DIP2A: variants seen among roughly 807,000 people sequenced by gnomAD.
The protein encoded by DIP2A is disco-interacting protein 2 homolog A.
DIP2A carries 85 observed loss-of-function variants against 177.4 expected under a neutral mutation model. The ratio of observed to expected loss-of-function variants is 0.48; its 90% CI spans 0.40 to 0.57. The LOEUF (loss-of-function observed/expected upper bound fraction) is 0.57, where lower values mean the gene tolerates loss of function less well. Ranked by LOEUF, DIP2A falls within the 20% of genes least tolerant of loss-of-function variation. The pLI, the probability that DIP2A is intolerant of heterozygous loss-of-function variation, is 0.00. For synonymous variants in DIP2A, 886 were observed against 881.8 expected (o/e 1.00, Z -0.08); for missense variants, 1,791 against 2,100.2 (o/e 0.85, Z 2.88).
Position 46,569,121 on chromosome 21 carries a change from G to T in DIP2A, c.*1499G>T, listed in dbSNP as rs1375244353. ...GAAGAGTATGTTACGAAATTGTTGGGTTTTTGGGGTATTGAGGGTGGCAAA... is the reference window on the plus strand; with the variant it reads ...GAAGAGTATGTTACGAAATTGTTGGTTTTTTGGGGTATTGAGGGTGGCAAA... On this transcript the variant is annotated 3_prime_UTR_variant, in exon 38 of 38. Transcript: ENST00000417564. 2 of 152,126 alleles carry T rather than the reference G, an allele frequency of 1.3e-5. No individual in the cohort carries two copies. The highest frequency in any genetic ancestry group is 4.8e-5 in the African/African-American group (2 of 41,426). 9.4% of individuals were successfully genotyped at this position (152,126 alleles called of 1,614,324 possible).
chr21:46,464,844 T>TTTTTTCC (rs58546395), intron 1 of DIP2A, among the ~76,000 whole-genome samples: 2,386 of 111,022 alleles, frequency 0.021, 158 homozygotes, highest in Non-Finnish European at 0.033. Context: ...TTTTTTTTTT[T>TTTTTTCC]CAAGAAAACA....
intron 8 of DIP2A, among the ~76,000 whole-genome samples, chr21:46,523,696 A>G (rs534353218): frequency 1.3e-5 from 2 of 152,356 alleles, no homozygotes; most frequent in South Asian, 2.1e-4. Context: ...GAAGAAGTCT[A>G]GAGCATCCAA....
rs1670749375 is a variant in DIP2A, at chr21:46,556,763, G to A, written c.3499-176G>A. 1.8e-6 allele frequency: 1 copy of A among 559,712 alleles called. No individual in the cohort carries two copies. Among genetic ancestry groups the A allele is most frequent in the African/African-American group, 1.9e-5 (1 of 52,858 alleles). The allele number at this position is 559,712 out of a possible 1,614,324, so 34.7% of individuals were successfully genotyped here. ...AAAGATTTTTAGTGTACCATTTCTT[G>A]GGTATTATTTAGGTTATATGGGGAT... On this transcript the variant is annotated intron_variant, in intron 29 of 37. Transcript: ENST00000417564. The surrounding 1 kb of genome is among the most constrained non-coding windows in gnomAD (Gnocchi z 4.5).
chr21:46,466,342 CTTTTTTTTT>C (rs71187318), intron 1 of DIP2A, among the ~76,000 whole-genome samples: 1 of 89,568 alleles, frequency 1.1e-5, no homozygotes, highest in Non-Finnish European at 2.1e-5. Context: ...TACATTATAA[CTTTTTTTTT>C]TTTTTTTTTT....
chr21:46,521,902 T>G (rs2058840183), intron 8 of DIP2A, among the ~76,000 whole-genome samples: 1 of 152,146 alleles, frequency 6.6e-6, no homozygotes, highest in East Asian at 1.9e-4. Flanking sequence ...CACATTCCCA[T>G]GACTTCTTAC....
intron 26 of DIP2A, 139 bp from the exon 27 acceptor site, chr21:46,554,436 C>T: frequency 1.3e-6 from 2 of 1,541,276 alleles, no homozygotes; most frequent in African/African-American, 1.4e-5. Flanking sequence ...CTCCTCAGCT[C>T]AGCTACCCCT....
chr21:46,535,333 G>A (rs2059522311), intron 13 of DIP2A, among the ~76,000 whole-genome samples: 1 of 152,214 alleles, frequency 6.6e-6, no homozygotes, highest in Middle Eastern at 3.4e-3. Flanking sequence ...TTTAAAAACT[G>A]TAAAAATGGA....
intron 1 of DIP2A, among the ~76,000 whole-genome samples, chr21:46,464,813 A>G (rs1156258405): frequency 3.8e-5 from 2 of 52,564 alleles, no homozygotes; most frequent in African/African-American, 8.1e-5. Flanking sequence ...CTTAATATTC[A>G]TGTCTTTTTT....
At position 46,541,940 on chromosome 21, in the gene DIP2A, G is replaced by A. The variant is rs756907961; in HGVS notation, c.2176+45G>A. On this transcript the variant is annotated intron_variant, in intron 18 of 37. Coordinates refer to ENST00000417564, the MANE Select transcript of DIP2A (RefSeq NM_015151.4). The stretch of plus-strand genomic sequence containing the variant: ...TGGGTCTTTGTCCATGACTGATTGA[G>A]GTAACGAAAAGGGTTTTGTTTTGTT... 4.3e-6 allele frequency: 7 copies of A among 1,612,116 alleles called. No individual in the cohort carries two copies. The Admixed American group carries it at 1.2e-4, about 27-fold the overall frequency.
At chr21:46,488,695 C>T (rs960252411) in intron 2 of DIP2A, among the ~76,000 whole-genome samples, 1 of 152,126 alleles carries the variant, frequency 6.6e-6, no homozygotes, top group African/African-American at 2.4e-5. Context: ...CTAGTGCTGA[C>T]AGAGAGTGGA....
In DIP2A at chr21:46,546,949, G is replaced by T. The variant is rs773775338; in HGVS notation, c.2429G>T (p.Gly810Val). 1.2e-6 allele frequency: 2 copies of T among 1,613,966 alleles called. No homozygotes were observed. Among genetic ancestry groups the T allele is most frequent in the South Asian group, 2.2e-5 (2 of 91,078 alleles). ...NLVFIVGKLD[G>V]LMVTGVRRHN... ...GTCTTCATCGTGGGCAAACTGGACG[G>T]GCTGATGGTCACTGGAGTTCGCAGA... The change falls in exon 21 of 38, where the codon GGG (glycine) becomes GTG (valine). Residue 810 changes from glycine (G) to valine (V), a missense_variant. Transcript: ENST00000417564.
At chr21:46,511,267 G>T (rs1365051778) in intron 7 of DIP2A, 150 bp from the exon 8 acceptor site, 9 of 818,266 alleles carry the variant, frequency 1.1e-5, no homozygotes, top group Non-Finnish European at 1.7e-5. Context: ...TTAGTTGTCG[G>T]TGACTGTGAT....
intron 5 of DIP2A, among the ~76,000 whole-genome samples, chr21:46,500,007 C>T (rs568905237): frequency 1.8e-4 from 27 of 152,250 alleles, no homozygotes; most frequent in Middle Eastern, 6.8e-3. Flanking sequence ...CCATGGGTGC[C>T]GAGCTCTTTT....
In DIP2A at chr21:46,546,008, G is replaced by A. The variant is rs753059338; in HGVS notation, c.2394+47G>A. ...AGCACTGGCAGTCAGAGAAGGTAGG[G>A]GGTGTGGCTAAGGGACACCTCGTTG... is the stretch of plus-strand genomic sequence containing the variant. On this transcript the variant is annotated intron_variant, in intron 20 of 37. Coordinates refer to ENST00000417564, the MANE Select transcript of DIP2A (RefSeq NM_015151.4). 3.1e-6 allele frequency: 5 copies of A among 1,613,448 alleles called. No homozygotes were observed. In the East Asian group the frequency reaches 6.7e-5, roughly 22 times the overall value.
chr21:46,486,703 A>G (rs548738528), intron 2 of DIP2A, among the ~76,000 whole-genome samples: 23 of 152,362 alleles, frequency 1.5e-4, no homozygotes, highest in Middle Eastern at 3.4e-3. Context: ...AGAGGATTCA[A>G]TCAGTAGGAT....
chr21:46,563,685 A>AT lies in DIP2A; in HGVS notation c.4090-170dup. ...TTGCTTATTTCTATTAACATCTCTT[A>AT]TTTCTTTCAAAATTCAAAGTCAAAT... is the stretch of plus-strand genomic sequence containing the variant. On this transcript the variant is annotated intron_variant, in intron 34 of 37. Coordinates refer to ENST00000417564, the MANE Select transcript of DIP2A (RefSeq NM_015151.4). The surrounding 1 kb of genome is among the most constrained non-coding windows in gnomAD (Gnocchi z 4.3). 8.1e-7 allele frequency: 1 copy of AT among 1,236,448 alleles called. No individual in the cohort carries two copies. Among genetic ancestry groups the AT allele is most frequent in the Non-Finnish European group, 1.1e-6 (1 of 926,232 alleles). 76.6% of individuals were successfully genotyped at this position (1,236,448 alleles called of 1,614,324 possible). A position where few individuals can be genotyped will look rare whatever the true frequency, so the allele number is the denominator to read the frequency against.
Position 46,556,032 on chromosome 21 carries a change from G to C in DIP2A, c.3439G>C (p.Asp1147His), listed in dbSNP as rs755277358. 2.5e-6 allele frequency: 4 copies of C among 1,613,888 alleles called. No individual in the cohort carries two copies. The highest frequency in any genetic ancestry group is 1.6e-4 in the Middle Eastern group (1 of 6,062). The change falls in exon 29 of 38, where the codon GAT becomes CAT. Residue 1147 changes from aspartate (D) to histidine (H), a missense_variant. By Grantham distance (81) the Asp-to-His change is moderately conservative. Transcript: ENST00000417564. The surrounding 1 kb of genome is among the most constrained non-coding windows in gnomAD (Gnocchi z 4.5). ...IASVFRPPSPDVLAYLDFSVS... is the reference protein window; with the variant it reads ...IASVFRPPSPHVLAYLDFSVS... ...AAGCGTTTTCAGGCCCCCCTCCCCC[G>C]ATGTCCTCGCATACTTGGACTTCAG...
At chr21:46,474,965 T>C (rs112714287) in intron 1 of DIP2A, among the ~76,000 whole-genome samples, 2,873 of 152,250 alleles carry the variant, frequency 0.019, 34 homozygotes, top group Non-Finnish European at 0.026. Context: ...GGAAAGGATA[T>C]GGTTTTCATC....
At chr21:46,561,876 G>A (rs1267129175) in intron 34 of DIP2A, 71 bp downstream of exon 34, 17 of 1,590,212 alleles carry the variant, frequency 1.1e-5, no homozygotes, top group Non-Finnish European at 1.3e-5. Flanking sequence ...ACCCCGTGGA[G>A]GGTGCTGGGG....
Sources: gnomAD v4.1 joint callset for allele counts (sites outside exome capture counted in the v4.1 genomes callset) on GRCh38, gnomAD v4.1.1 for gene constraint, Gnocchi (gnomAD v3.1) non-coding constraint, MANE v1.5 for transcripts, NCBI Gene and HGNC (gene_info 2026-07-23, HGNC 2026-07-21) for gene names.